Variants in CPNE4 observed in about 807,000 individuals in gnomAD.
CPNE4 encodes the protein copine-4.
Under a neutral mutation model 67.9 loss-of-function variants are expected in CPNE4, and 25 were observed. The ratio of observed to expected loss-of-function variants is 0.37; its 90% confidence interval spans 0.27 to 0.51. The LOEUF is 0.51. CPNE4 is among the 20% of genes least tolerant of loss of function. The probability of loss-of-function intolerance (pLI) is 0.93; values close to 1 mark genes in which losing one functional copy is unlikely to be tolerated. For synonymous variants in CPNE4, 242 were observed against 244.9 expected (o/e 0.99, Z 0.11); for missense variants, 464 against 690.8 (o/e 0.67, Z 3.68).
chr3:131,629,667 A>T (rs2079169992), intron 7 of CPNE4, among the ~76,000 whole-genome samples: 1 of 152,030 alleles, frequency 6.6e-6, no homozygotes, highest in South Asian at 2.1e-4. Flanking sequence ...CTGGTCTCGA[A>T]CTCCTGGCCT....
chr3:131,693,780 C>T (rs2107691848), intron 5 of CPNE4, among the ~76,000 whole-genome samples: 1 of 151,604 alleles, frequency 6.6e-6, no homozygotes, highest in East Asian at 1.9e-4. Context: ...TTCCTACTTC[C>T]CTGAAATACA....
At chr3:131,801,327 G>A in intron 2 of CPNE4, among the ~76,000 whole-genome samples, 1 of 125,608 alleles carries the variant, frequency 8.0e-6, no homozygotes, top group African/African-American at 3.4e-5. Context: ...CTAGTCACTG[G>A]AAACCATACA....
chr3:131,717,187 T>A (rs747670587), intron 3 of CPNE4, among the ~76,000 whole-genome samples: 64 of 151,428 alleles, frequency 4.2e-4, no homozygotes, highest in Non-Finnish European at 1.6e-4. Context: ...AAGCTTTTAG[T>A]ACAAATGCAT....
At chr3:131,663,010 A>T (rs2080165801) in intron 7 of CPNE4, among the ~76,000 whole-genome samples, 1 of 152,176 alleles carries the variant, frequency 6.6e-6, no homozygotes, top group Non-Finnish European at 1.5e-5. Flanking sequence ...ACACATGCAC[A>T]CGTATGTTTA....
At chr3:131,769,010 G>A (rs1426019203) in intron 2 of CPNE4, among the ~76,000 whole-genome samples, 3 of 152,180 alleles carry the variant, frequency 2.0e-5, no homozygotes, top group African/African-American at 7.2e-5. Flanking sequence ...AGGATGTGAA[G>A]TTACAACAAA....
intron 3 of CPNE4, among the ~76,000 whole-genome samples, chr3:131,708,791 G>A (rs994344182): frequency 1.3e-5 from 2 of 151,650 alleles, no homozygotes; most frequent in Non-Finnish European, 2.9e-5. Flanking sequence ...TGTTACTGAG[G>A]ATGCAGGAAA....
chr3:131,827,813 C>T lies in CPNE4; in HGVS notation c.180+77451G>A, dbSNP rs1192065037. 2.0e-5 allele frequency among the ~76,000 whole-genome samples: 3 copies of T among 152,052 alleles called. 1 individual carries two copies. Among genetic ancestry groups the T allele is most frequent in the Admixed American group, 1.3e-4 (2 of 15,284 alleles). On this transcript the variant is annotated intron_variant, in intron 2 of 15. Coordinates refer to ENST00000429747, the MANE Select transcript of CPNE4 (RefSeq NM_130808.3). Reference sequence around the variant, plus strand: ...AAACATGGAGCAGATCCAGATGGGGCAAGACATAAATATAGAGCAGTTTCA... The same window carrying T: ...AAACATGGAGCAGATCCAGATGGGGTAAGACATAAATATAGAGCAGTTTCA...
In CPNE4 at chr3:131,547,455, C is replaced by CAAAAAAAAA. The variant is rs56412825; in HGVS notation, c.1302+2483_1302+2491dup. The stretch of plus-strand genomic sequence containing the variant: ...TGGGTGATAGACCAAGACCCTGTCG[C>CAAAAAAAAA]AAAAAAAAAAAAAAAAAAAAAAAAA... On this transcript the variant is annotated intron_variant, in intron 14 of 15. Coordinates refer to ENST00000429747, the MANE Select transcript of CPNE4 (RefSeq NM_130808.3). 6.1e-3 allele frequency among the ~76,000 whole-genome samples: 222 copies of CAAAAAAAAA among 36,544 alleles called. 109 individuals are homozygous for CAAAAAAAAA. The highest frequency in any genetic ancestry group is 0.015 in the East Asian group (18 of 1,236). 24.0% of individuals were successfully genotyped at this position (36,544 alleles called of 152,430 possible). A position where few individuals can be genotyped will look rare whatever the true frequency, so the allele number is the denominator to read the frequency against.
rs1357442567 is a variant in CPNE4 at position 131,814,467 on chromosome 3, C to G, written c.180+90797G>C. 2.0e-5 allele frequency among the ~76,000 whole-genome samples: 3 copies of G among 149,972 alleles called. No homozygotes were observed. In the Admixed American group the frequency reaches 2.0e-4, roughly 10 times the overall value. On this transcript the variant is annotated intron_variant, in intron 2 of 15. Transcript: ENST00000429747. Reference sequence around the variant, plus strand: ...AGGAAATGCGTTCCTACCGTGTGTACAGAAGGGAGAAAACTAGGAATACTT... The same window carrying G: ...AGGAAATGCGTTCCTACCGTGTGTAGAGAAGGGAGAAAACTAGGAATACTT...
chr3:131,989,379 A>G (rs749403653), intron 1 of CPNE4, among the ~76,000 whole-genome samples: 39 of 152,216 alleles, frequency 2.6e-4, no homozygotes, highest in Non-Finnish European at 3.8e-4. Flanking sequence ...ACCGCTTTGG[A>G]ATATCAAACA....
intron 1 of CPNE4, among the ~76,000 whole-genome samples, chr3:132,002,115 C>T (rs2073468710): frequency 6.6e-6 from 1 of 152,152 alleles, no homozygotes; most frequent in African/African-American, 2.4e-5. Flanking sequence ...CTTATCATCA[C>T]CTCTGGCACC....
chr3:131,643,611 G>T (rs1310458711), intron 7 of CPNE4, among the ~76,000 whole-genome samples: 1 of 152,184 alleles, frequency 6.6e-6, no homozygotes, highest in Non-Finnish European at 1.5e-5. Context: ...ATGAGATTTG[G>T]AAGGGGCCAG....
chr3:131,854,473 A>G (rs999726555), intron 2 of CPNE4, among the ~76,000 whole-genome samples: 1 of 151,946 alleles, frequency 6.6e-6, no homozygotes, highest in Non-Finnish European at 1.5e-5. Context: ...TCAAATGACT[A>G]TGCATTGAAC....
At chr3:131,549,591 C>A (rs1936059428) in intron 14 of CPNE4, among the ~76,000 whole-genome samples, 1 of 152,100 alleles carries the variant, frequency 6.6e-6, no homozygotes, top group Admixed American at 6.6e-5. Context: ...AGTATGGGTA[C>A]CTTAAAAAGC....
chr3:131,891,957 G>A (rs1034456982), intron 2 of CPNE4, among the ~76,000 whole-genome samples: 1 of 152,064 alleles, frequency 6.6e-6, no homozygotes, highest in Non-Finnish European at 1.5e-5. Context: ...AACTGAAGAA[G>A]TACACTGAAG....
intron 6 of CPNE4, 78 bp downstream of exon 6, chr3:131,685,794 ACAC>A: frequency 1.6e-5 from 15 of 921,368 alleles, no homozygotes; most frequent in Non-Finnish European, 2.4e-5. Context: ...ACACACACAC[ACAC>A]AAAAAGGAGT....
chr3:131,665,115 A>G, intron 7 of CPNE4, among the ~76,000 whole-genome samples: 1 of 152,170 alleles, frequency 6.6e-6, no homozygotes, highest in East Asian at 1.9e-4. Flanking sequence ...TAATCCCAGC[A>G]CTTTAGAAGG....
chr3:131,548,507 A>T (rs1262879281), intron 14 of CPNE4, among the ~76,000 whole-genome samples: 2 of 152,066 alleles, frequency 1.3e-5, no homozygotes, highest in South Asian at 4.1e-4. Flanking sequence ...TATTTTAGAT[A>T]AGGTAGCCAG....
At chr3:131,711,297 AG>A (rs2081551670) in intron 3 of CPNE4, among the ~76,000 whole-genome samples, 3 of 152,204 alleles carry the variant, frequency 2.0e-5, no homozygotes, top group Admixed American at 6.5e-5. Flanking sequence ...GGCTAAACTC[AG>A]CACTGCTTTT....
Sources: gnomAD v4.1 joint callset for allele counts (sites outside exome capture counted in the v4.1 genomes callset) on GRCh38, gnomAD v4.1.1 for gene constraint, MANE v1.5 for transcripts, NCBI Gene and HGNC (gene_info 2026-07-23, HGNC 2026-07-21) for gene names.